The following DTNBP1 variants were observed in gnomAD, a reference collection of about 807,000 sequenced individuals.
DTNBP1 encodes the protein dysbindin.
In DTNBP1, 35 loss-of-function variants were observed where a neutral mutation model predicts 42.8. The ratio of observed to expected loss-of-function variants is 0.82; its 90% CI spans 0.63 to 1.09. The LOEUF is 1.09. Ranked by LOEUF, DTNBP1 falls within the 50% of genes least tolerant of loss-of-function variation. The probability of loss-of-function intolerance (pLI) is 0.00; values close to 1 mark genes in which losing one functional copy is unlikely to be tolerated. For missense variants in DTNBP1, 457 were observed against 424.2 expected (o/e 1.08, Z -0.68); for synonymous variants, 171 against 162.2 (o/e 1.05, Z -0.41).
chr6:15,645,168 T>C (rs1476234312), intron 3 of DTNBP1, among the ~76,000 whole-genome samples: 1 of 151,926 alleles, frequency 6.6e-6, no homozygotes, highest in Non-Finnish European at 1.5e-5. Flanking sequence ...GTGCACAAAT[T>C]AGAAGACCTA....
At chr6:15,566,309 C>T (rs376935301) in intron 7 of DTNBP1, among the ~76,000 whole-genome samples, 4 of 121,254 alleles carry the variant, frequency 3.3e-5, no homozygotes, top group Non-Finnish European at 5.0e-5. Flanking sequence ...AGCGAGACTC[C>T]GTCTCAAAAA....
chr6:15,566,130 C>T (rs535197414), intron 7 of DTNBP1, among the ~76,000 whole-genome samples: 8 of 151,720 alleles, frequency 5.3e-5, no homozygotes, highest in Admixed American at 2.6e-4. Flanking sequence ...CCGGCTAAAA[C>T]GGTGAAACCC....
At chr6:15,554,456 T>G (rs946507114) in intron 7 of DTNBP1, among the ~76,000 whole-genome samples, 1 of 152,066 alleles carries the variant, frequency 6.6e-6, no homozygotes, top group African/African-American at 2.4e-5. Context: ...GGGAAAGATA[T>G]TTTTCCTCCT....
At chr6:15,536,120 T>C (rs1299556230) in intron 7 of DTNBP1, among the ~76,000 whole-genome samples, 2 of 152,236 alleles carry the variant, frequency 1.3e-5, no homozygotes, top group East Asian at 1.9e-4. Flanking sequence ...TTGGAGCTTA[T>C]GTTTACAAGA....
chr6:15,545,100 A>G (rs1483070033), intron 7 of DTNBP1, among the ~76,000 whole-genome samples: 2 of 152,150 alleles, frequency 1.3e-5, no homozygotes, highest in Non-Finnish European at 2.9e-5. Flanking sequence ...GGTATACACA[A>G]CAATTTTTAA....
At chr6:15,586,681 A>G (rs889218032) in intron 7 of DTNBP1, among the ~76,000 whole-genome samples, 1 of 152,142 alleles carries the variant, frequency 6.6e-6, no homozygotes, top group Non-Finnish European at 1.5e-5. Context: ...CTGAGTCACA[A>G]TGGTGAACAA....
Position 15,523,745 on chromosome 6 carries a change from G to A in DTNBP1, c.812-526C>T, listed in dbSNP as rs536606088. On this transcript the variant is annotated intron_variant, in intron 9 of 9. Coordinates refer to ENST00000344537, the MANE Select transcript of DTNBP1 (RefSeq NM_032122.5). ...CTGACTCTGGGTGAGGGTTCACGCT[G>A]GTCTCCAGTATTCTGGCCTTCTCAG... The A allele has an allele frequency of 6.2e-4, 797 of 1,287,032 alleles. 1 individual carries two copies. Among genetic ancestry groups the A allele is most frequent in the Non-Finnish European group, 7.8e-4 (772 of 988,702 alleles). The allele number at this position is 1,287,032 out of a possible 1,614,324, so 79.7% of individuals were successfully genotyped here.
intron 6 of DTNBP1, among the ~76,000 whole-genome samples, chr6:15,598,232 T>G (rs1776589944): frequency 6.6e-6 from 1 of 152,212 alleles, no homozygotes; most frequent in Admixed American, 6.5e-5. Flanking sequence ...ATATTAAATC[T>G]ATATATATGA....
intron 8 of DTNBP1, among the ~76,000 whole-genome samples, chr6:15,531,313 AC>A (rs1339516243): frequency 6.6e-6 from 1 of 152,008 alleles, no homozygotes; most frequent in Non-Finnish European, 1.5e-5. Flanking sequence ...CCTGGAGCAA[AC>A]CCTCTCCTTC....
At chr6:15,661,367 G>C (rs1197772524) in intron 1 of DTNBP1, among the ~76,000 whole-genome samples, 1 of 151,378 alleles carries the variant, frequency 6.6e-6, no homozygotes, top group Non-Finnish European at 1.5e-5. Flanking sequence ...AAAAAAAAGG[G>C]GGGGAGGGTG....
At chr6:15,621,587 G>A (rs2113721355) in intron 5 of DTNBP1, among the ~76,000 whole-genome samples, 1 of 152,254 alleles carries the variant, frequency 6.6e-6, no homozygotes, top group Admixed American at 6.5e-5. Flanking sequence ...GACAAATTTA[G>A]ACTAAAAATG....
chr6:15,653,106 C>A (rs1025581654), intron 1 of DTNBP1, among the ~76,000 whole-genome samples: 2 of 152,166 alleles, frequency 1.3e-5, no homozygotes, highest in Non-Finnish European at 2.9e-5. Context: ...GCTACCCAGG[C>A]CTTCAAATCT....
intron 6 of DTNBP1, among the ~76,000 whole-genome samples, chr6:15,602,770 A>G (rs1168972916): frequency 1.3e-5 from 2 of 152,192 alleles, no homozygotes; most frequent in African/African-American, 2.4e-5. Context: ...CGAGATTGCT[A>G]TATCTTTAGT....
intron 6 of DTNBP1, among the ~76,000 whole-genome samples, chr6:15,609,725 G>T (rs1265949294): frequency 6.6e-6 from 1 of 152,126 alleles, no homozygotes; most frequent in African/African-American, 2.4e-5. Context: ...TTTCATTTTG[G>T]AAGCTTTCTT....
intron 7 of DTNBP1, among the ~76,000 whole-genome samples, chr6:15,578,092 A>G (rs1284913718): frequency 6.6e-6 from 1 of 152,234 alleles, no homozygotes; most frequent in Admixed American, 6.5e-5. Context: ...CTGCCAGAGC[A>G]AAGCCCTTAG....
intron 7 of DTNBP1, chr6:15,546,124 G>A (rs1773865255): frequency 1.3e-5 from 5 of 389,014 alleles, no homozygotes; most frequent in South Asian, 5.5e-5. Context: ...GGAGTGCAAT[G>A]GTGCGATCTC....
At chr6:15,586,027 C>A in intron 7 of DTNBP1, 1 of 1,183,004 alleles carries the variant, frequency 8.5e-7, no homozygotes, top group Non-Finnish European at 1.0e-6. Flanking sequence ...ATGTATGCAC[C>A]GGTCTGGGAC....
intron 7 of DTNBP1, chr6:15,548,438 G>GACACACACACACACACACACAC (rs3045754): frequency 1.5e-5 from 2 of 136,592 alleles, no homozygotes; most frequent in African/African-American, 5.5e-5. Context: ...AACACACACA[G>GACACACACACACACACACACAC]ACACACACAC....
intron 7 of DTNBP1, among the ~76,000 whole-genome samples, chr6:15,566,187 C>T (rs926930866): frequency 4.2e-4 from 63 of 150,856 alleles, no homozygotes; most frequent in Non-Finnish European, 7.6e-4. Context: ...TAGTGGCGGG[C>T]GCCTGTAGTC....
Sources: gnomAD v4.1 joint callset for allele counts (sites outside exome capture counted in the v4.1 genomes callset) on GRCh38, gnomAD v4.1.1 for gene constraint, MANE v1.5 for transcripts, NCBI Gene and HGNC (gene_info 2026-07-23, HGNC 2026-07-21) for gene names.